The following RIMS2 variants were observed in gnomAD, a reference collection of about 807,000 sequenced individuals.
RIMS2 encodes the protein regulating synaptic membrane exocytosis 2.
RIMS2 carries 59 observed loss-of-function variants against 174.4 expected under a neutral mutation model. The observed-to-expected ratio is 0.34, with a 90% CI of 0.27 to 0.42. The LOEUF is 0.42. RIMS2 is among the 10% of genes least tolerant of loss of function. The pLI is 1.00. For missense variants in RIMS2, 1,620 were observed against 1,666.3 expected (o/e 0.97, Z 0.48); for synonymous variants, 606 against 572.5 (o/e 1.06, Z -0.84).
At chr8:103,813,830 C>A (rs1285034880) in intron 3 of RIMS2, among the ~76,000 whole-genome samples, 1 of 152,110 alleles carries the variant, frequency 6.6e-6, no homozygotes, top group Non-Finnish European at 1.5e-5. Context: ...GGTTCCAGGT[C>A]TTTGCTATTG....
chr8:103,739,097 C>T (rs28840419), intron 2 of RIMS2, among the ~76,000 whole-genome samples: 3 of 152,112 alleles, frequency 2.0e-5, no homozygotes, highest in Non-Finnish European at 4.4e-5. Context: ...TATTGTGGCA[C>T]TATTCACAAT....
intron 1 of RIMS2, among the ~76,000 whole-genome samples, chr8:103,588,531 AAAC>A (rs1464478629): frequency 6.6e-6 from 1 of 152,060 alleles, no homozygotes; most frequent in African/African-American, 2.4e-5. Flanking sequence ...ATAGTAACAA[AAAC>A]AGCATGGTAC....
intron 19 of RIMS2, among the ~76,000 whole-genome samples, chr8:104,175,953 C>T (rs966749792): frequency 3.9e-5 from 6 of 152,072 alleles, no homozygotes; most frequent in African/African-American, 9.7e-5. Context: ...CATGTTAGGA[C>T]ATGCTATATA....
At chr8:104,130,028 G>A (rs906638537) in intron 19 of RIMS2, among the ~76,000 whole-genome samples, 9 of 151,978 alleles carry the variant, frequency 5.9e-5, no homozygotes, top group Non-Finnish European at 1.2e-4. Context: ...CTATCCTTAC[G>A]TTACTAGGAG....
intron 3 of RIMS2, among the ~76,000 whole-genome samples, chr8:103,783,120 T>G (rs1215382471): frequency 6.6e-6 from 1 of 152,144 alleles, no homozygotes. Flanking sequence ...CCCTGGTTGT[T>G]GACAGAATTC....
Position 104,209,647 on chromosome 8 carries a change from G to C in RIMS2, c.3335-35269G>C, listed in dbSNP as rs2099096787. On this transcript the variant is annotated intron_variant, in intron 19 of 23. Transcript: ENST00000504942. ...CTTGCTAGAATATGAGCTTTAGGGG[G>C]CAAGGATCTTTGTTTTGTATACTAA... Among the ~76,000 whole-genome samples the C allele has an allele frequency of 1.3e-5, 2 of 152,158 alleles. 1 individual carries two copies. The highest frequency in any genetic ancestry group is 4.1e-4 in the South Asian group (2 of 4,832).
At chr8:103,642,584 C>G (rs899142387) in intron 1 of RIMS2, among the ~76,000 whole-genome samples, 4 of 151,962 alleles carry the variant, frequency 2.6e-5, no homozygotes, top group Non-Finnish European at 4.4e-5. Context: ...TGAAAAACTT[C>G]TTTTTAATAT....
At chr8:103,996,977 C>G (rs2095141066) in intron 17 of RIMS2, among the ~76,000 whole-genome samples, 1 of 151,674 alleles carries the variant, frequency 6.6e-6, no homozygotes, top group Admixed American at 6.6e-5. Context: ...GTTTGAAAAT[C>G]AATGTCTAAT....
intron 19 of RIMS2, among the ~76,000 whole-genome samples, chr8:104,161,830 C>T (rs1396852284): frequency 1.3e-5 from 2 of 152,204 alleles, no homozygotes; most frequent in African/African-American, 4.8e-5. Flanking sequence ...CAGTTGTTGG[C>T]GGAGCTCAGT....
intron 3 of RIMS2, among the ~76,000 whole-genome samples, chr8:103,852,142 A>G (rs577626746): frequency 6.6e-6 from 1 of 152,122 alleles, no homozygotes; most frequent in South Asian, 2.1e-4. Context: ...AACTTCCAGC[A>G]AGATTGGATC....
chr8:104,151,607 G>A (rs1286860585), intron 19 of RIMS2, among the ~76,000 whole-genome samples: 1 of 152,070 alleles, frequency 6.6e-6, no homozygotes, highest in Non-Finnish European at 1.5e-5. Context: ...GAGATGTTGG[G>A]GAAAGAGGAA....
At chr8:103,550,172 C>T (rs950617062) in intron 1 of RIMS2, among the ~76,000 whole-genome samples, 5 of 152,178 alleles carry the variant, frequency 3.3e-5, no homozygotes, top group African/African-American at 4.8e-5. Flanking sequence ...AGCACCATAT[C>T]GCACTTACTC....
chr8:103,681,238 G>T (rs1043327458), intron 1 of RIMS2, among the ~76,000 whole-genome samples: 3 of 151,700 alleles, frequency 2.0e-5, no homozygotes, highest in Admixed American at 2.0e-4. Context: ...TGTAGAATAG[G>T]GACAATAATA....
chr8:103,817,347 A>G (rs912161485), intron 3 of RIMS2, among the ~76,000 whole-genome samples: 5 of 152,346 alleles, frequency 3.3e-5, no homozygotes, highest in Admixed American at 3.3e-4. Flanking sequence ...GTGTGTGTGC[A>G]TGTGCACATG....
intron 2 of RIMS2, among the ~76,000 whole-genome samples, chr8:103,749,099 A>G (rs954679580): frequency 2.1e-5 from 3 of 142,750 alleles, no homozygotes; most frequent in African/African-American, 5.2e-5. Flanking sequence ...GTGCCTGGCC[A>G]TATGCTTTCT....
chr8:103,517,494 A>G (rs896661103), intron 1 of RIMS2, among the ~76,000 whole-genome samples: 2 of 150,920 alleles, frequency 1.3e-5, no homozygotes, highest in East Asian at 1.9e-4. Context: ...ATTGACCTGC[A>G]CCAGTACAGA....
chr8:103,936,046 A>G (rs916925444), intron 12 of RIMS2, among the ~76,000 whole-genome samples: 1 of 152,204 alleles, frequency 6.6e-6, no homozygotes, highest in Non-Finnish European at 1.5e-5. Flanking sequence ...TGAATTTCTT[A>G]TATTTAAAAA....
chr8:103,977,735 G>T lies in RIMS2; in HGVS notation c.2927+2229G>T, dbSNP rs185945695. On this transcript the variant is annotated intron_variant, in intron 16 of 23. Transcript: ENST00000504942. ...ATTGTGACCTATCCAGTTATAAATT[G>T]GAGTTTCCATAGCCCCTCTCCTTAG... Among the ~76,000 whole-genome samples, 5 of 152,240 alleles carry T rather than the reference G, an allele frequency of 3.3e-5. No homozygotes were observed. The East Asian group carries it at 9.6e-4, about 29-fold the overall frequency.
intron 3 of RIMS2, among the ~76,000 whole-genome samples, chr8:103,863,402 C>T (rs756794062): frequency 3.3e-5 from 5 of 151,852 alleles, no homozygotes; most frequent in East Asian, 3.9e-4. Context: ...AATATTGGCC[C>T]GAAGTTTTCT....
Sources: allele counts gnomAD v4.1 joint callset (sites outside exome capture counted in the v4.1 genomes callset), GRCh38; gene constraint gnomAD v4.1.1; transcripts MANE v1.5; gene names NCBI Gene and HGNC (gene_info 2026-07-23, HGNC 2026-07-21).